Variants in EPHB1 observed in about 807,000 individuals in gnomAD.
EPHB1 encodes the protein ephrin type-B receptor 1.
Under a neutral mutation model 94.4 loss-of-function variants are expected in EPHB1, and 30 were observed. That is an observed-to-expected ratio of 0.32 (90% CI 0.24 to 0.43). The LOEUF (loss-of-function observed/expected upper bound fraction) is 0.43. EPHB1 is among the 20% of genes least tolerant of loss of function. The pLI, the probability that EPHB1 is intolerant of heterozygous loss-of-function variation, is 1.00. For synonymous variants in EPHB1, 522 were observed against 489.1 expected (o/e 1.07, Z -0.89); for missense variants, 1,055 against 1,308.3 (o/e 0.81, Z 2.99).
intron 3 of EPHB1, among the ~76,000 whole-genome samples, 185 bp downstream of exon 3, chr3:134,952,237 C>T (rs1933062544): frequency 6.6e-6 from 1 of 152,154 alleles, no homozygotes; most frequent in Non-Finnish European, 1.5e-5. Flanking sequence ...CCAGGTTGTC[C>T]ATATTTATTA....
intron 3 of EPHB1, among the ~76,000 whole-genome samples, chr3:134,953,107 A>G (rs1350196600): frequency 6.6e-6 from 1 of 152,068 alleles, no homozygotes; most frequent in African/African-American, 2.4e-5. Flanking sequence ...TCAGCAACTT[A>G]TTCTCCATTG....
At chr3:135,039,856 G>T (rs918520059) in intron 3 of EPHB1, among the ~76,000 whole-genome samples, 1 of 152,196 alleles carries the variant, frequency 6.6e-6, no homozygotes, top group Non-Finnish European at 1.5e-5. Flanking sequence ...AGCCCAGAAA[G>T]GGGCTCCCAC....
intron 3 of EPHB1, among the ~76,000 whole-genome samples, chr3:135,022,522 CTT>C (rs1936021655): frequency 6.6e-6 from 1 of 152,142 alleles, no homozygotes; most frequent in Non-Finnish European, 1.5e-5. Flanking sequence ...CAGATGTAAA[CTT>C]TGGTAGTTTT....
intron 12 of EPHB1, among the ~76,000 whole-genome samples, chr3:135,225,626 C>T (rs868594289): frequency 6.6e-6 from 1 of 152,098 alleles, no homozygotes; most frequent in African/African-American, 2.4e-5. Flanking sequence ...AACTCTGGAA[C>T]TGAAGCCCCA....
chr3:135,248,526 G>A lies in EPHB1; in HGVS notation c.2690+17G>A, dbSNP rs11717042. The A allele has an allele frequency of 0.23, 359,881 of 1,559,326 alleles. 42,945 individuals carry two copies. Among genetic ancestry groups the A allele is most frequent in the East Asian group, 0.33 (13,958 of 42,564 alleles). ...CACCGCCGTGTGAGTCTAGTGAAAC[G>A]GTGATCCCTAAATATGGCTGGTTTC... is the stretch of plus-strand genomic sequence containing the variant. On this transcript the variant is annotated intron_variant, in intron 14 of 15. Transcript: ENST00000398015.
At chr3:134,881,375 G>C (rs1439550255) in intron 1 of EPHB1, among the ~76,000 whole-genome samples, 1 of 152,150 alleles carries the variant, frequency 6.6e-6, no homozygotes, top group East Asian at 1.9e-4. Context: ...TGGAGGCATG[G>C]AATTGTCAGA....
chr3:134,958,382 C>T (rs979942684), intron 3 of EPHB1, among the ~76,000 whole-genome samples: 1 of 151,378 alleles, frequency 6.6e-6, no homozygotes, highest in South Asian at 2.1e-4. Flanking sequence ...TCATCCTGAG[C>T]TGCTGAAAGA....
chr3:135,154,379 G>A (rs1272936242), intron 6 of EPHB1, 103 bp downstream of exon 6: 7 of 1,514,946 alleles, frequency 4.6e-6, no homozygotes, highest in Non-Finnish European at 6.2e-6. Context: ...CTGAGGTGGG[G>A]AGGATTCTGG....
At chr3:134,822,491 G>A (rs2036401073) in intron 1 of EPHB1, among the ~76,000 whole-genome samples, 1 of 152,162 alleles carries the variant, frequency 6.6e-6, no homozygotes, top group South Asian at 2.1e-4. Context: ...TTGCAAAAAG[G>A]AATCACTTCC....
chr3:134,939,519 G>T (rs1025441603), intron 2 of EPHB1, among the ~76,000 whole-genome samples: 1 of 152,164 alleles, frequency 6.6e-6, no homozygotes, highest in Non-Finnish European at 1.5e-5. Flanking sequence ...TGTAGTAAAT[G>T]GTAGATCCCT....
intron 4 of EPHB1, among the ~76,000 whole-genome samples, chr3:135,121,726 T>G (rs1334902196): frequency 6.6e-6 from 1 of 151,982 alleles, no homozygotes; most frequent in African/African-American, 2.4e-5. Flanking sequence ...GGAGGTCTGC[T>G]TGGGGTCTCA....
intron 4 of EPHB1, among the ~76,000 whole-genome samples, chr3:135,107,386 A>T (rs1005734955): frequency 6.6e-6 from 1 of 152,128 alleles, no homozygotes; most frequent in Non-Finnish European, 1.5e-5. Context: ...GGAGGCAATC[A>T]CTACTGTCCC....
intron 1 of EPHB1, among the ~76,000 whole-genome samples, chr3:134,797,741 G>T (rs2035858143): frequency 6.6e-6 from 1 of 152,278 alleles, no homozygotes; most frequent in African/African-American, 2.4e-5. Flanking sequence ...CCCCCGGTGC[G>T]GTGGCTTCCC....
At chr3:135,092,810 A>G (rs1938607241) in intron 3 of EPHB1, among the ~76,000 whole-genome samples, 1 of 152,216 alleles carries the variant, frequency 6.6e-6, no homozygotes, top group Non-Finnish European at 1.5e-5. Flanking sequence ...TATTTTTAGT[A>G]GAAATGAAGT....
chr3:134,987,695 C>T (rs763986292), intron 3 of EPHB1, among the ~76,000 whole-genome samples: 2 of 152,122 alleles, frequency 1.3e-5, no homozygotes, highest in Non-Finnish European at 1.5e-5. Context: ...CGCTTGAACC[C>T]GGGAAGCGCA....
intron 11 of EPHB1, among the ~76,000 whole-genome samples, chr3:135,200,896 A>G (rs1942734322): frequency 6.6e-6 from 1 of 152,196 alleles, no homozygotes. Context: ...CAGAGGGAAT[A>G]GCACATGTTG....
At position 135,256,604 on chromosome 3, in the gene EPHB1, G is replaced by T. The variant is rs1333049188; in HGVS notation, c.2847-2408G>T. Among the ~76,000 whole-genome samples the T allele has an allele frequency of 3.9e-5, 6 of 152,278 alleles. No individual in the cohort carries two copies. The East Asian group carries it at 5.8e-4, about 15-fold the overall frequency. On this transcript the variant is annotated intron_variant, in intron 15 of 15. Transcript: ENST00000398015. Reference sequence around the variant, plus strand: ...GAGAGATCTGCTGTTAGTCTGATGGGCTTCCCTTTGAGGGTAACCCGACCT... The same window carrying T: ...GAGAGATCTGCTGTTAGTCTGATGGTCTTCCCTTTGAGGGTAACCCGACCT...
intron 3 of EPHB1, among the ~76,000 whole-genome samples, chr3:135,016,088 G>A (rs1935789448): frequency 6.6e-6 from 1 of 152,168 alleles, no homozygotes; most frequent in African/African-American, 2.4e-5. Flanking sequence ...CTCCTGGTTG[G>A]TGCAATTATA....
At chr3:135,204,881 C>CTTTTTTTTT (rs71624063) in intron 12 of EPHB1, among the ~76,000 whole-genome samples, 49 of 73,908 alleles carry the variant, frequency 6.6e-4, no homozygotes, top group Non-Finnish European at 8.9e-4. Context: ...AGGTTTTATT[C>CTTTTTTTTT]TTTTTTTTTT....
Sources: gnomAD v4.1 joint callset for allele counts (sites outside exome capture counted in the v4.1 genomes callset) on GRCh38, gnomAD v4.1.1 for gene constraint, MANE v1.5 for transcripts, NCBI Gene and HGNC (gene_info 2026-07-23, HGNC 2026-07-21) for gene names.